AUTS2: variants seen among roughly 807,000 people sequenced by gnomAD.
The protein encoded by AUTS2 is activator of transcription and developmental regulator AUTS2, also known as autism susceptibility gene 2 protein.
Under a neutral mutation model 112.4 loss-of-function variants are expected in AUTS2, and 17 were observed. The ratio of observed to expected loss-of-function variants is 0.15; its 90% CI spans 0.10 to 0.23. The LOEUF is 0.23. AUTS2 is among the 10% of genes least tolerant of loss of function. AUTS2 has a pLI of 1.00. For missense variants in AUTS2, 1,510 were observed against 1,701.6 expected (o/e 0.89, Z 1.98); for synonymous variants, 751 against 702.7 (o/e 1.07, Z -1.09).
chr7:70,691,299 TAAG>T (rs1473806404), intron 5 of AUTS2, among the ~76,000 whole-genome samples: 1 of 152,146 alleles, frequency 6.6e-6, no homozygotes, highest in African/African-American at 2.4e-5. Flanking sequence ...AAGGTGATGT[TAAG>T]AAGCCATTAG....
chr7:69,750,472 TTAGTAGTAGTAG>T (rs146638908), intron 1 of AUTS2, among the ~76,000 whole-genome samples: 2 of 148,042 alleles, frequency 1.4e-5, no homozygotes, highest in African/African-American at 2.5e-5. Flanking sequence ...AAATACTATG[TTAGTAGTAGTAG>T]TAGTAGTAGT....
intron 11 of AUTS2, among the ~76,000 whole-genome samples, chr7:70,772,247 A>G (rs1790400175): frequency 6.6e-6 from 1 of 152,200 alleles, no homozygotes; most frequent in Non-Finnish European, 1.5e-5. Context: ...GGCCAAGGCC[A>G]AGACTTTGTC....
At chr7:70,295,951 G>T (rs1347447870) in intron 4 of AUTS2, among the ~76,000 whole-genome samples, 1 of 151,934 alleles carries the variant, frequency 6.6e-6, no homozygotes, top group Non-Finnish European at 1.5e-5. Flanking sequence ...CTGTCAATCT[G>T]TATACATTAT....
At chr7:69,871,955 CTA>C (rs2129535824) in intron 1 of AUTS2, among the ~76,000 whole-genome samples, 1 of 152,322 alleles carries the variant, frequency 6.6e-6, no homozygotes, top group East Asian at 1.9e-4. Flanking sequence ...CACTGGAGTT[CTA>C]TGTTACTGGG....
rs1322536871 is a variant in AUTS2, at chr7:69,614,370, T to TCTTTCTTTTCTTTCTTTTCTTTCTTTTC, written c.309+14408_309+14409insCTTTCTTTTCTTTCTTTTCTTTCTTTTC. ...TTTCTTTCTTTCTTTCTTTCTTTTT[T>TCTTTCTTTTCTTTCTTTTCTTTCTTTTC]TAAGAGATGGGATCTCACTCTGTTT... On this transcript the variant is annotated intron_variant, in intron 1 of 18. Coordinates refer to ENST00000342771, the MANE Select transcript of AUTS2 (RefSeq NM_015570.4). Among the ~76,000 whole-genome samples the TCTTTCTTTTCTTTCTTTTCTTTCTTTTC allele has an allele frequency of 7.0e-5, 2 of 28,508 alleles. 1 individual carries two copies. The highest frequency in any genetic ancestry group is 2.0e-4 in the African/African-American group (2 of 10,198). The allele number at this position is 28,508 out of a possible 152,430, so 18.7% of individuals were successfully genotyped here. A position where few individuals can be genotyped will look rare whatever the true frequency, so the allele number is the denominator to read the frequency against.
At chr7:69,783,610 A>G (rs1162093698) in intron 1 of AUTS2, among the ~76,000 whole-genome samples, 1 of 152,238 alleles carries the variant, frequency 6.6e-6, no homozygotes, top group East Asian at 1.9e-4. Context: ...TTAGGGAAGG[A>G]CTTCCTGTGA....
intron 5 of AUTS2, among the ~76,000 whole-genome samples, chr7:70,590,356 G>A (rs1286935531): frequency 6.6e-6 from 1 of 152,130 alleles, no homozygotes; most frequent in African/African-American, 2.4e-5. Context: ...TGGTGACGGA[G>A]TGGGCCTCAG....
At chr7:69,996,123 G>A (rs1254186958) in intron 2 of AUTS2, among the ~76,000 whole-genome samples, 1 of 152,184 alleles carries the variant, frequency 6.6e-6, no homozygotes, top group Non-Finnish European at 1.5e-5. Flanking sequence ...TTCTGATCCT[G>A]CCAGGGTACT....
At chr7:70,215,822 G>T (rs1236821556) in intron 4 of AUTS2, among the ~76,000 whole-genome samples, 1 of 152,210 alleles carries the variant, frequency 6.6e-6, no homozygotes, top group Non-Finnish European at 1.5e-5. Flanking sequence ...ATCAAGGTCA[G>T]AGGTCATAAG....
chr7:70,695,955 G>A (rs1434415322), intron 5 of AUTS2, among the ~76,000 whole-genome samples: 1 of 152,166 alleles, frequency 6.6e-6, no homozygotes, highest in Non-Finnish European at 1.5e-5. Flanking sequence ...GTGCCCCCGT[G>A]TTCGAGAGAA....
chr7:70,034,025 T>C (rs1271397900), intron 2 of AUTS2, among the ~76,000 whole-genome samples: 2 of 152,218 alleles, frequency 1.3e-5, no homozygotes, highest in Non-Finnish European at 2.9e-5. Flanking sequence ...ATTATCCTGA[T>C]TTGATCATTA....
At chr7:69,614,252 G>T (rs1489208405) in intron 1 of AUTS2, among the ~76,000 whole-genome samples, 1 of 152,028 alleles carries the variant, frequency 6.6e-6, no homozygotes, top group Admixed American at 6.5e-5. Flanking sequence ...ATTTTCTAAA[G>T]ATTTCTAGAT....
At chr7:70,188,784 C>CTTT (rs530872900) in intron 4 of AUTS2, among the ~76,000 whole-genome samples, 2 of 142,802 alleles carry the variant, frequency 1.4e-5, no homozygotes, top group Non-Finnish European at 1.5e-5. Context: ...TTCTTTCTTT[C>CTTT]TTTTTTTTTT....
intron 5 of AUTS2, among the ~76,000 whole-genome samples, chr7:70,643,521 G>A (rs1357549007): frequency 6.6e-6 from 1 of 152,174 alleles, no homozygotes; most frequent in African/African-American, 2.4e-5. Context: ...CAGTGAGCTG[G>A]GATTACGCCA....
chr7:69,947,397 A>G (rs762618036), intron 2 of AUTS2, among the ~76,000 whole-genome samples: 10 of 152,220 alleles, frequency 6.6e-5, no homozygotes, highest in Non-Finnish European at 1.5e-4. Context: ...TGGAATTTCA[A>G]AATCCTAAAT....
chr7:70,425,308 C>T (rs760961662), intron 4 of AUTS2, among the ~76,000 whole-genome samples: 1 of 152,214 alleles, frequency 6.6e-6, no homozygotes. Context: ...GATGAAAAAA[C>T]ACCTCTGTTC....
chr7:70,168,171 T>A (rs370415150), intron 4 of AUTS2, among the ~76,000 whole-genome samples: 1 of 152,252 alleles, frequency 6.6e-6, no homozygotes. Flanking sequence ...ACTCCAGTGG[T>A]ACTCCTGAGT....
chr7:70,484,154 G>C (rs1435880336), intron 5 of AUTS2, among the ~76,000 whole-genome samples: 1 of 152,142 alleles, frequency 6.6e-6, no homozygotes, highest in African/African-American at 2.4e-5. Flanking sequence ...CCCAATGAAT[G>C]TTATATTTTA....
intron 5 of AUTS2, among the ~76,000 whole-genome samples, chr7:70,636,494 T>C (rs977407724): frequency 2.6e-5 from 4 of 152,182 alleles, no homozygotes; most frequent in African/African-American, 7.2e-5. Flanking sequence ...GAGACCTGCG[T>C]TCAAGTCCCC....
Sources: gnomAD v4.1 joint callset for allele counts (sites outside exome capture counted in the v4.1 genomes callset) on GRCh38, gnomAD v4.1.1 for gene constraint, MANE v1.5 for transcripts, NCBI Gene and HGNC (gene_info 2026-07-23, HGNC 2026-07-21) for gene names.